The following DNAH10 variants were observed in gnomAD, a reference collection of about 807,000 sequenced individuals.
DNAH10 encodes axonemal beta dynein heavy chain 10.
DNAH10 carries 348 observed loss-of-function variants against 506.6 expected under a neutral mutation model. The ratio of observed to expected loss-of-function variants is 0.69; its 90% CI spans 0.63 to 0.75. The LOEUF (loss-of-function observed/expected upper bound fraction) is 0.75. DNAH10 is among the 30% of genes least tolerant of loss of function. The pLI is 0.00. For missense variants in DNAH10, 5,179 were observed against 5,787.1 expected (o/e 0.89, Z 3.41); for synonymous variants, 2,059 against 2,198.6 (o/e 0.94, Z 1.78).
At chr12:123,835,273 T>C (rs1961013843) in intron 27 of DNAH10, 133 bp from the exon 28 acceptor site, 2 of 980,834 alleles carry the variant, frequency 2.0e-6, no homozygotes, top group South Asian at 3.7e-5. Context: ...AGATGCTCAC[T>C]CTGTCACCTT....
rs1273247365 is a variant in DNAH10 at position 123,785,634 on chromosome 12, A to AG, written c.1231-110dup. ...AGCCTGGGCACCAGACTTGGTCTCA[A>AG]GGAAAAAAAAAAAAAAAAAAGAGTG... On this transcript the variant is annotated intron_variant, in intron 8 of 78. Transcript: ENST00000673944. This position sits in a 1 kb window ranked among gnomAD's most constrained non-coding sequence, Gnocchi z 4.1. The AG allele has an allele frequency of 1.5e-5, 14 of 925,000 alleles. No homozygotes were observed. Among genetic ancestry groups the AG allele is most frequent in the Admixed American group, 3.8e-5 (1 of 26,650 alleles). 57.3% of individuals were successfully genotyped at this position (925,000 alleles called of 1,614,324 possible).
chr12:123,917,935 C>T lies in DNAH10; in HGVS notation c.11232+122C>T, dbSNP rs934825635. 2 of 1,077,342 alleles carry T rather than the reference C, an allele frequency of 1.9e-6. No homozygotes were observed. Among genetic ancestry groups the T allele is most frequent in the African/African-American group, 3.2e-5 (2 of 63,254 alleles). 66.7% of individuals were successfully genotyped at this position (1,077,342 alleles called of 1,614,324 possible). A position where few individuals can be genotyped will look rare whatever the true frequency, so the allele number is the denominator to read the frequency against. On this transcript the variant is annotated intron_variant, in intron 64 of 78. Transcript: ENST00000673944. The surrounding 1 kb of genome is among the most constrained non-coding windows in gnomAD (Gnocchi z 5.6). ...CTGTGATCTCAGGGCTAAAAACCCA[C>T]CTCTATTGGGATGTGCTGTGGGGAG...
intron 59 of DNAH10, 115 bp downstream of exon 59, chr12:123,910,787 C>T (rs953694031): frequency 7.4e-7 from 1 of 1,351,170 alleles, no homozygotes. Flanking sequence ...CTTCAAGCTG[C>T]ATAAACTTTC....
chr12:123,875,439 C>T lies in DNAH10; in HGVS notation c.8147C>T (p.Ser2716Leu). ...AGTGTCTTCAATGTGCCATTTCCTTCAGAGGAGTCTCTGCATTTAATTTAT... is the reference window on the plus strand; with the variant it reads ...AGTGTCTTCAATGTGCCATTTCCTTTAGAGGAGTCTCTGCATTTAATTTAT... ...LFSVFNVPFPSEESLHLIYSS... is the reference protein window; with the variant it reads ...LFSVFNVPFPLEESLHLIYSS... Residue 2716 changes from serine to leucine, a missense_variant, in exon 47 of 79, where the codon TCA becomes TTA. Transcript: ENST00000673944. The T allele has an allele frequency of 1.9e-6, 3 of 1,614,046 alleles. No homozygotes were observed. The highest frequency in any genetic ancestry group is 2.5e-6 in the Non-Finnish European group (3 of 1,179,906).
chr12:123,776,932 A>G (rs953135153), intron 5 of DNAH10, among the ~76,000 whole-genome samples: 2 of 152,192 alleles, frequency 1.3e-5, no homozygotes, highest in African/African-American at 4.8e-5. Flanking sequence ...CAGCAACAAG[A>G]GTTAGGGAGA....
chr12:123,894,082 C>CTT lies in DNAH10; in HGVS notation c.9200-536_9200-535dup, dbSNP rs558490981. On this transcript the variant is annotated intron_variant, in intron 53 of 78. Transcript: ENST00000673944. ...GTCTCAGGGTTGCAGAATGAGCATCCTTTTTTTTTTTTTTTTTTTTTTTTT... is the reference window on the plus strand; with the variant it reads ...GTCTCAGGGTTGCAGAATGAGCATCCTTTTTTTTTTTTTTTTTTTTTTTTTTT... Among the ~76,000 whole-genome samples the CTT allele has an allele frequency of 1.8e-3, 164 of 89,148 alleles. 20 individuals are homozygous for CTT. Among genetic ancestry groups the CTT allele is most frequent in the African/African-American group, 5.9e-3 (137 of 23,170 alleles). 58.5% of individuals were successfully genotyped at this position (89,148 alleles called of 152,430 possible). A position where few individuals can be genotyped will look rare whatever the true frequency, so the allele number is the denominator to read the frequency against.
intron 24 of DNAH10, among the ~76,000 whole-genome samples, chr12:123,821,075 C>A (rs1959354344): frequency 6.6e-6 from 1 of 152,088 alleles, no homozygotes; most frequent in Non-Finnish European, 1.5e-5. Flanking sequence ...CGTGGTGAAA[C>A]CCTGTCTCTA....
intron 52 of DNAH10, among the ~76,000 whole-genome samples, chr12:123,888,213 AG>A (rs1300007438): frequency 5.3e-5 from 8 of 152,020 alleles, no homozygotes; most frequent in African/African-American, 1.9e-4. Flanking sequence ...GTCTCCAAAA[AG>A]AAAAAAAAAC....
chr12:123,762,579 CG>C lies in DNAH10; in HGVS notation c.214+32del. The C allele has an allele frequency of 6.5e-7, 1 of 1,532,754 alleles. No homozygotes were observed. 94.9% of individuals were successfully genotyped at this position (1,532,754 alleles called of 1,614,324 possible). A position where few individuals can be genotyped will look rare whatever the true frequency, so the allele number is the denominator to read the frequency against. On this transcript the variant is annotated intron_variant, in intron 1 of 78. Coordinates refer to ENST00000673944, the MANE Select transcript of DNAH10 (RefSeq NM_001372106.1). This position sits in a 1 kb window ranked among gnomAD's most constrained non-coding sequence, Gnocchi z 5.0. ...AGCCTCGACGCGCCGCTCCCTTCCC[CG>C]GGCTTCCCTCCTGCCCGTCCCGGCC... is the stretch of plus-strand genomic sequence containing the variant.
intron 1 of DNAH10, among the ~76,000 whole-genome samples, chr12:123,764,523 G>A (rs980703333): frequency 3.3e-5 from 5 of 152,152 alleles, no homozygotes; most frequent in African/African-American, 1.2e-4. Context: ...CTAAAACAAT[G>A]GATGTGACTT....
intron 52 of DNAH10, among the ~76,000 whole-genome samples, chr12:123,892,743 T>C (rs75025070): frequency 0.076 from 11,636 of 152,278 alleles, 528 homozygotes; most frequent in African/African-American, 0.13. Context: ...GTTTCTCGAC[T>C]GCGTGCCGTT....
intron 46 of DNAH10, 120 bp downstream of exon 46, chr12:123,873,830 G>A (rs1952132649): frequency 1.5e-6 from 2 of 1,336,916 alleles, no homozygotes; most frequent in Non-Finnish European, 2.0e-6. Context: ...TGCAATGTCT[G>A]CAGGGTACAG....
chr12:123,818,024 C>G (rs1298253667), intron 21 of DNAH10, among the ~76,000 whole-genome samples: 1 of 150,766 alleles, frequency 6.6e-6, no homozygotes, highest in East Asian at 1.9e-4. Context: ...TCTTGGCTCA[C>G]TGCAACCTCC....
chr12:123,765,013 G>A lies in DNAH10; in HGVS notation c.214+2463G>A, dbSNP rs563620493. On this transcript the variant is annotated intron_variant, in intron 1 of 78. Coordinates refer to ENST00000673944, the MANE Select transcript of DNAH10 (RefSeq NM_001372106.1). ...AACAGTTTCCCTAGATTATTTTTGGGGGACAGGTGGTTCTGGTCTGTTCAG... is the reference window on the plus strand; with the variant it reads ...AACAGTTTCCCTAGATTATTTTTGGAGGACAGGTGGTTCTGGTCTGTTCAG... Among the ~76,000 whole-genome samples the A allele has an allele frequency of 5.9e-5, 9 of 152,052 alleles. No individual in the cohort carries two copies. In the South Asian group the frequency reaches 1.7e-3, roughly 28 times the overall value.
intron 24 of DNAH10, among the ~76,000 whole-genome samples, chr12:123,821,745 T>G (rs191384833): frequency 6.6e-6 from 1 of 152,120 alleles, no homozygotes; most frequent in East Asian, 1.9e-4. Flanking sequence ...AGGCATGGGG[T>G]AAACTGTTTA....
At position 123,930,404 on chromosome 12, in the gene DNAH10, C is replaced by T; in HGVS notation, c.12615C>T (p.Val4205=). The T allele has an allele frequency of 6.4e-6, 10 of 1,564,858 alleles. No individual in the cohort carries two copies. The highest frequency in any genetic ancestry group is 8.6e-6 in the Non-Finnish European group (10 of 1,160,340). Residue 4205 remains valine, a splice_region_variant and synonymous_variant, in exon 73 of 79, where the codon GTC becomes GTT. Coordinates refer to ENST00000673944, the MANE Select transcript of DNAH10 (RefSeq NM_001372106.1). ...GCTCTCAGGCCCTCTAATTTCAGGT[C>T]ATGTATGGAGGACGGGCCATCGACA... is the stretch of plus-strand genomic sequence containing the variant. ...WGSLKYLIGE[V]MYGGRAIDSF...
intron 55 of DNAH10, 69 bp downstream of exon 55, chr12:123,898,036 C>CT: frequency 3.6e-6 from 5 of 1,408,378 alleles, no homozygotes; most frequent in Non-Finnish European, 4.7e-6. Context: ...GAGCGCTGAT[C>CT]TTTTCTTTAG....
intron 47 of DNAH10, among the ~76,000 whole-genome samples, chr12:123,875,948 C>A (rs1373799732): frequency 6.6e-6 from 1 of 152,182 alleles, no homozygotes; most frequent in Non-Finnish European, 1.5e-5. Context: ...GAGAGAAATG[C>A]GTGTAAAGGG....
At position 123,903,296 on chromosome 12, in the gene DNAH10, G is replaced by A. The variant is rs1594333065; in HGVS notation, c.9815+183G>A. Among the ~76,000 whole-genome samples the A allele has an allele frequency of 6.6e-6, 1 of 152,304 alleles. No homozygotes were observed. The highest frequency in any genetic ancestry group is 1.9e-4 in the East Asian group (1 of 5,164). ...TCGGATGGGGAAAATGAGGCCCAGG[G>A]AGATGAGGTGGGCGCCCCAGGCATC... On this transcript the variant is annotated intron_variant, in intron 57 of 78. Coordinates refer to ENST00000673944, the MANE Select transcript of DNAH10 (RefSeq NM_001372106.1). The surrounding 1 kb of genome is among the most constrained non-coding windows in gnomAD (Gnocchi z 4.6).
Sources: allele counts gnomAD v4.1 joint callset (sites outside exome capture counted in the v4.1 genomes callset), GRCh38; gene constraint gnomAD v4.1.1; non-coding constraint Gnocchi (gnomAD v3.1); transcripts MANE v1.5; gene names NCBI Gene and HGNC (gene_info 2026-07-23, HGNC 2026-07-21).